The following TRDN variants were observed in gnomAD, a reference collection of about 807,000 sequenced individuals.
TRDN encodes triadin.
TRDN carries 161 observed loss-of-function variants against 149.7 expected under a neutral mutation model. The observed-to-expected ratio is 1.08, with a 90% CI of 0.95 to 1.23. The LOEUF (loss-of-function observed/expected upper bound fraction) is 1.23. Ranked by LOEUF, TRDN falls within the 50% of genes most tolerant of loss-of-function variation. The probability of loss-of-function intolerance (pLI) is 0.00; values close to 1 mark genes in which losing one functional copy is unlikely to be tolerated. For missense variants in TRDN, 896 were observed against 823.5 expected (o/e 1.09, Z -1.08); for synonymous variants, 294 against 250.5 (o/e 1.17, Z -1.64).
intron 20 of TRDN, among the ~76,000 whole-genome samples, chr6:123,359,531 G>C (rs1340918394): frequency 6.6e-6 from 1 of 152,196 alleles, no homozygotes; most frequent in Non-Finnish European, 1.5e-5. Flanking sequence ...GGCAGCATGA[G>C]GTTATTTCAG....
chr6:123,227,809 G>A lies in TRDN; in HGVS notation c.1976-3678C>T, dbSNP rs545481163. Among the ~76,000 whole-genome samples the A allele has an allele frequency of 5.3e-5, 8 of 151,890 alleles. No homozygotes were observed. The East Asian group carries it at 9.8e-4, about 19-fold the overall frequency. On this transcript the variant is annotated intron_variant, in intron 38 of 40. Transcript: ENST00000334268. ...GTCACCCAGGGTGGAGTGCAATGACGCCATCCTGGCTCACTGCAACCTCCG... is the reference window on the plus strand; with the variant it reads ...GTCACCCAGGGTGGAGTGCAATGACACCATCCTGGCTCACTGCAACCTCCG...
At chr6:123,533,133 A>C (rs765256428) in intron 4 of TRDN, among the ~76,000 whole-genome samples, 13 of 152,138 alleles carry the variant, frequency 8.5e-5, no homozygotes, top group Non-Finnish European at 1.6e-4. Context: ...AGTAGGTATT[A>C]ATTGGAATAT....
At chr6:123,556,646 TTCTTCC>T (rs1415302056) in intron 2 of TRDN, among the ~76,000 whole-genome samples, 2 of 151,894 alleles carry the variant, frequency 1.3e-5, no homozygotes, top group Non-Finnish European at 2.9e-5. Flanking sequence ...CCTCTTCTTC[TTCTTCC>T]TCTTCCTCTT....
At chr6:123,343,438 A>T (rs1405604107) in intron 21 of TRDN, among the ~76,000 whole-genome samples, 1 of 151,932 alleles carries the variant, frequency 6.6e-6, no homozygotes, top group Non-Finnish European at 1.5e-5. Flanking sequence ...AACTGTTCAA[A>T]TTGAAACTTA....
intron 12 of TRDN, among the ~76,000 whole-genome samples, chr6:123,433,522 A>C (rs997163680): frequency 3.3e-5 from 5 of 152,146 alleles, no homozygotes; most frequent in Middle Eastern, 6.8e-3. Flanking sequence ...ATTTCCTTCA[A>C]GATGCATGCA....
intron 1 of TRDN, among the ~76,000 whole-genome samples, chr6:123,578,148 T>C (rs1782946024): frequency 6.6e-6 from 1 of 152,238 alleles, no homozygotes; most frequent in Non-Finnish European, 1.5e-5. Flanking sequence ...TAGATCTTGT[T>C]TGTCAATTTT....
At chr6:123,327,579 G>T (rs560407236) in intron 23 of TRDN, among the ~76,000 whole-genome samples, 1 of 152,114 alleles carries the variant, frequency 6.6e-6, no homozygotes, top group Non-Finnish European at 1.5e-5. Flanking sequence ...CTTTGTAACA[G>T]AGTTTGTTTC....
intron 33 of TRDN, 126 bp from the exon 34 acceptor site, chr6:123,260,764 A>G: frequency 1.3e-6 from 1 of 755,546 alleles, no homozygotes; most frequent in Non-Finnish European, 1.9e-6. Context: ...AAATTACAAT[A>G]GGCACACATA....
intron 1 of TRDN, among the ~76,000 whole-genome samples, chr6:123,636,086 A>G (rs1786298098): frequency 6.6e-6 from 1 of 152,010 alleles, no homozygotes; most frequent in Admixed American, 6.6e-5. Context: ...CCAGAATTCT[A>G]ACACTTAATT....
chr6:123,226,484 T>C (rs983266020), intron 38 of TRDN, among the ~76,000 whole-genome samples: 1 of 151,848 alleles, frequency 6.6e-6, no homozygotes, highest in Non-Finnish European at 1.5e-5. Flanking sequence ...TAAATACAAA[T>C]GGAAGGAATA....
At chr6:123,360,120 A>G (rs190227383) in intron 20 of TRDN, among the ~76,000 whole-genome samples, 1 of 152,232 alleles carries the variant, frequency 6.6e-6, no homozygotes, top group South Asian at 2.1e-4. Context: ...TTATCAACCT[A>G]TCACCTAGGT....
intron 24 of TRDN, among the ~76,000 whole-genome samples, chr6:123,284,628 C>G (rs1432837656): frequency 1.3e-5 from 2 of 152,054 alleles, no homozygotes; most frequent in Non-Finnish European, 2.9e-5. Flanking sequence ...CCACTCCCAC[C>G]ACTTCTGTTC....
chr6:123,625,618 A>G (rs1434349987), intron 1 of TRDN, among the ~76,000 whole-genome samples: 1 of 152,180 alleles, frequency 6.6e-6, no homozygotes, highest in Non-Finnish European at 1.5e-5. Flanking sequence ...TTTCTAACAC[A>G]AAGAAAGGAT....
At chr6:123,515,700 CA>C (rs898660503) in intron 6 of TRDN, among the ~76,000 whole-genome samples, 3 of 151,990 alleles carry the variant, frequency 2.0e-5, no homozygotes, top group Non-Finnish European at 4.4e-5. Context: ...GGAAGGTTTT[CA>C]CAAAGTATCT....
rs562506975 is a variant in TRDN at position 123,260,724 on chromosome 6, A to T, written c.1805-86T>A. 170 of 1,077,234 alleles carry T rather than the reference A, an allele frequency of 1.6e-4. No homozygotes were observed. In the African/African-American group the frequency reaches 2.5e-3, roughly 16 times the overall value. 66.7% of individuals were successfully genotyped at this position (1,077,234 alleles called of 1,614,324 possible). ...ATAGTTTTTTATTCAGTAGCAAACA[A>T]TTGAAACTTATCTTCTGATATTTCT... On this transcript the variant is annotated intron_variant, in intron 33 of 40. Transcript: ENST00000334268.
chr6:123,231,344 C>A, intron 38 of TRDN, among the ~76,000 whole-genome samples: 1 of 151,950 alleles, frequency 6.6e-6, no homozygotes, highest in East Asian at 1.9e-4. Context: ...ATTCCTCTTA[C>A]GTAGATCAAA....
In TRDN at chr6:123,375,912, A is replaced by G. The variant is rs1431285; in HGVS notation, c.1247-281T>C. On this transcript the variant is annotated intron_variant, in intron 18 of 40. Coordinates refer to ENST00000334268, the MANE Select transcript of TRDN (RefSeq NM_006073.4). ...TCAATCATCTTGCTCTCCATTTTTA[A>G]TTATCCAAGGATCTCATTTTTTTAT... 4.6e-3 allele frequency among the ~76,000 whole-genome samples: 697 copies of G among 152,198 alleles called. 7 individuals carry two copies. Among genetic ancestry groups the G allele is most frequent in the African/African-American group, 0.016 (655 of 41,564 alleles).
rs1421491702 is a variant in TRDN, at chr6:123,476,769, A to G, written c.854-11786T>C. 1.1e-3 allele frequency among the ~76,000 whole-genome samples: 163 copies of G among 150,566 alleles called. 1 individual carries two copies. Among genetic ancestry groups the G allele is most frequent in the South Asian group, 4.0e-3 (19 of 4,764 alleles). On this transcript the variant is annotated intron_variant, in intron 9 of 40. Coordinates refer to ENST00000334268, the MANE Select transcript of TRDN (RefSeq NM_006073.4). ...GAAATAACGCCGCATATCTATAACT[A>G]TCTGATCTTTGACAAACCTGAGAAA...
In TRDN at chr6:123,265,354, GA is replaced by G. The variant is rs750605412; in HGVS notation, c.1784-17del. 1.3e-4 allele frequency: 180 copies of G among 1,355,840 alleles called. No homozygotes were observed. The highest frequency in any genetic ancestry group is 5.3e-4 in the Admixed American group (18 of 33,654). 84.0% of individuals were successfully genotyped at this position (1,355,840 alleles called of 1,614,324 possible). ...TTTGGTTTGTCTAAAAAGGAAAAAA[GA>G]AAAAAAAAGAAAATGAGTGATAATT... On this transcript the variant is annotated splice_polypyrimidine_tract_variant and intron_variant, in intron 32 of 40. Transcript: ENST00000334268.
Sources: allele counts gnomAD v4.1 joint callset (sites outside exome capture counted in the v4.1 genomes callset), GRCh38; gene constraint gnomAD v4.1.1; transcripts MANE v1.5; gene names NCBI Gene and HGNC (gene_info 2026-07-23, HGNC 2026-07-21).